Variants in TAPBPL observed in about 807,000 individuals in gnomAD.
TAPBPL encodes the protein tapasin-related protein.
TAPBPL carries 32 observed loss-of-function variants against 44.8 expected under a neutral mutation model. The observed-to-expected ratio is 0.71, with a 90% confidence interval of 0.54 to 0.96. The LOEUF is 0.96. Ranked by LOEUF, TAPBPL falls within the 40% of genes least tolerant of loss-of-function variation. TAPBPL has a pLI of 0.00. For missense variants in TAPBPL, 520 were observed against 586.6 expected, an observed-to-expected ratio of 0.89 and a Z score of 1.17; for synonymous variants, 230 against 240.7, an observed-to-expected ratio of 0.96 and a Z score of 0.41.
downstream of TAPBPL, among the ~76,000 whole-genome samples, chr12:6,467,611 A>T (rs1261459919): frequency 6.6e-6 from 1 of 152,258 alleles, no homozygotes; most frequent in African/African-American, 2.4e-5. Flanking sequence ...CAGCTGCAGA[A>T]ATTTGCATAA....
downstream of TAPBPL, chr12:6,462,437 G>T: frequency 2.0e-6 from 1 of 491,214 alleles, no homozygotes; most frequent in Non-Finnish European, 3.6e-6. Context: ...CGAAGAACGG[G>T]ATGTGGGAAG....
downstream of TAPBPL, chr12:6,470,485 G>C (rs372266511): frequency 1.6e-4 from 253 of 1,613,496 alleles, 3 homozygotes; most frequent in Non-Finnish European, 3.0e-5. Context: ...CTTGGGGCGA[G>C]AGTTGTCAAG....
downstream of TAPBPL, among the ~76,000 whole-genome samples, chr12:6,467,879 C>A (rs950282869): frequency 4.6e-5 from 7 of 152,266 alleles, no homozygotes; most frequent in African/African-American, 1.2e-4. Flanking sequence ...AAGCCCCAAG[C>A]CTTGGCAGCT....
intron 3 of TAPBPL, among the ~76,000 whole-genome samples, chr12:6,454,978 A>G (rs1157271500): frequency 2.0e-5 from 3 of 152,082 alleles, no homozygotes; most frequent in African/African-American, 7.2e-5. Flanking sequence ...TCCAACCTAA[A>G]TCTATCCTGA....
intron 3 of TAPBPL, among the ~76,000 whole-genome samples, chr12:6,454,492 C>T (rs556219851): frequency 3.6e-4 from 55 of 152,140 alleles, no homozygotes; most frequent in South Asian, 2.3e-3. Flanking sequence ...CAACAAAAAC[C>T]CTGAGTCCAC....
At chr12:6,462,710 G>A (rs898646287), downstream of TAPBPL, 9 of 1,058,454 alleles carry the variant, frequency 8.5e-6, no homozygotes, top group Admixed American at 2.7e-5. Context: ...GGGACACATC[G>A]AGGACAGTGG....
chr12:6,461,986 C>A, intron 6 of TAPBPL, 48 bp from the exon 7 acceptor site: 2 of 1,505,886 alleles, frequency 1.3e-6, no homozygotes, highest in South Asian at 1.1e-5. Context: ...GCTTGTTTGC[C>A]AGTGTGAGAT....
At chr12:6,455,116 C>T (rs182495441) in intron 3 of TAPBPL, among the ~76,000 whole-genome samples, 3 of 152,208 alleles carry the variant, frequency 2.0e-5, no homozygotes, top group Admixed American at 2.0e-4. Context: ...CACCTATATA[C>T]CCTACACCTA....
At chr12:6,459,153 G>T (rs990984259) in intron 5 of TAPBPL, among the ~76,000 whole-genome samples, 2 of 152,214 alleles carry the variant, frequency 1.3e-5, no homozygotes, top group Non-Finnish European at 2.9e-5. Flanking sequence ...TTATACTCCA[G>T]CCTCCAGGGT....
At chr12:6,464,598 C>G, downstream of TAPBPL, 1 of 1,458,748 alleles carries the variant, frequency 6.9e-7, no homozygotes, top group East Asian at 2.5e-5. Flanking sequence ...TTGTTAAGTG[C>G]CCCATCCCCA....
chr12:6,463,109 AG>A (rs1452923945), downstream of TAPBPL: 27 of 1,509,458 alleles, frequency 1.8e-5, no homozygotes, highest in East Asian at 6.1e-4. This position sits in a 1 kb window ranked among gnomAD's most constrained non-coding sequence, Gnocchi z 4.0. Flanking sequence ...CCCCGAAGAT[AG>A]GCTGAGCAGA....
At chr12:6,454,374 G>A (rs565795993) in intron 3 of TAPBPL, among the ~76,000 whole-genome samples, 11 of 152,206 alleles carry the variant, frequency 7.2e-5, no homozygotes, top group South Asian at 2.1e-4. Context: ...AGACTGAGAC[G>A]GGAGAATCAC....
At chr12:6,452,613 T>C (rs1949584052) in intron 1 of TAPBPL, 2 of 1,307,766 alleles carry the variant, frequency 1.5e-6, no homozygotes, top group Admixed American at 3.7e-5. Context: ...AGGAAAGGAC[T>C]CCCCAGGTGA....
At position 6,453,431 on chromosome 12, in the gene TAPBPL, C is replaced by T. The variant is rs760546269; in HGVS notation, c.296-16C>T. 1.5e-5 allele frequency: 25 copies of T among 1,613,404 alleles called. No homozygotes were observed. The highest frequency in any genetic ancestry group is 2.1e-5 in the Non-Finnish European group (25 of 1,179,576). The stretch of plus-strand genomic sequence containing the variant: ...CACGCTAATTTGCCCTCTGTGTGTG[C>T]CCTGCTTCTCCCCAGTGGACCTGGT... On this transcript the variant is annotated splice_polypyrimidine_tract_variant and intron_variant, in intron 2 of 6. Coordinates refer to ENST00000266556, the MANE Select transcript of TAPBPL (RefSeq NM_018009.5). The surrounding 1 kb of genome is among the most constrained non-coding windows in gnomAD (Gnocchi z 4.8).
chr12:6,469,357 C>T (rs1945710584), downstream of TAPBPL, among the ~76,000 whole-genome samples: 1 of 152,180 alleles, frequency 6.6e-6, no homozygotes, highest in Non-Finnish European at 1.5e-5. Context: ...CTAGCCACCA[C>T]GATTTTTCTG....
downstream of TAPBPL, chr12:6,462,763 A>T: frequency 1.3e-6 from 2 of 1,489,812 alleles, no homozygotes; most frequent in Non-Finnish European, 1.8e-6. Context: ...GGCAAGGAGG[A>T]GCCCAGAGGA....
At chr12:6,460,339 C>T (rs1474725714) in intron 5 of TAPBPL, among the ~76,000 whole-genome samples, 2 of 152,204 alleles carry the variant, frequency 1.3e-5, no homozygotes, top group Non-Finnish European at 2.9e-5. Flanking sequence ...GATCTCAGCT[C>T]ACTGCAAACT....
At chr12:6,452,519 TAA>T in intron 1 of TAPBPL, 4 of 1,425,028 alleles carry the variant, frequency 2.8e-6, no homozygotes, top group South Asian at 3.0e-5. Context: ...GGGAAAATGC[TAA>T]AGAGGGGCTG....
At chr12:6,465,413 T>C (rs1452158619), downstream of TAPBPL, 2 of 93,392 alleles carry the variant, frequency 2.1e-5, no homozygotes, top group East Asian at 3.6e-4. Flanking sequence ...TGTATATATA[T>C]GTATATATAT....
Sources: allele counts gnomAD v4.1 joint callset (sites outside exome capture counted in the v4.1 genomes callset), GRCh38; gene constraint gnomAD v4.1.1; non-coding constraint Gnocchi (gnomAD v3.1); transcripts MANE v1.5; gene names NCBI Gene and HGNC (gene_info 2026-07-23, HGNC 2026-07-21).